GDE1: variants seen among roughly 807,000 people sequenced by gnomAD.
The protein encoded by GDE1 is glycerophosphodiester phosphodiesterase 1.
Under a neutral mutation model 32.2 loss-of-function variants are expected in GDE1, and 24 were observed. The ratio of observed to expected loss-of-function variants is 0.75; its 90% CI spans 0.54 to 1.05. The LOEUF (loss-of-function observed/expected upper bound fraction) is 1.05, where lower values mean the gene tolerates loss of function less well. GDE1 is among the 50% of genes least tolerant of loss of function. The pLI is 0.00. For synonymous variants in GDE1, 159 were observed against 158.6 expected (o/e 1.00, Z -0.02); for missense variants, 380 against 415.0 (o/e 0.92, Z 0.73).
Position 19,521,981 on chromosome 16 carries a change from G to A in GDE1, c.-17C>T, listed in dbSNP as rs1301146179. 6.6e-7 allele frequency: 1 copy of A among 1,523,564 alleles called. No individual in the cohort carries two copies. The highest frequency in any genetic ancestry group is 8.8e-7 in the Non-Finnish European group (1 of 1,130,640). The allele number at this position is 1,523,564 out of a possible 1,614,324, so 94.4% of individuals were successfully genotyped here. ...CAGCCACATGCCGGCGCCCGCACCG[G>A]CACGGACGGGAGTCCCGGACCCGCC... is the stretch of plus-strand genomic sequence containing the variant. On this transcript the variant is annotated 5_prime_UTR_variant, in exon 1 of 6. Coordinates refer to ENST00000353258, the MANE Select transcript of GDE1 (RefSeq NM_016641.4).
chr16:19,505,300 T>C (rs1291560851), intron 4 of GDE1, among the ~76,000 whole-genome samples: 1 of 152,084 alleles, frequency 6.6e-6, no homozygotes, highest in East Asian at 1.9e-4. Context: ...TATGAGAACT[T>C]TTTTTTCCCA....
At chr16:19,521,681 G>A (rs1177149832) in intron 1 of GDE1, 23 bp downstream of exon 1, 3 of 1,607,022 alleles carry the variant, frequency 1.9e-6, no homozygotes, top group East Asian at 4.5e-5. Context: ...GAGGACCGAG[G>A]GGCGCGAACG....
intron 1 of GDE1, among the ~76,000 whole-genome samples, chr16:19,520,259 G>A (rs933940956): frequency 3.3e-5 from 5 of 151,794 alleles, no homozygotes; most frequent in African/African-American, 1.2e-4. Flanking sequence ...AATCTTGGCC[G>A]GGCACGGTGG....
At position 19,502,024 on chromosome 16, in the gene GDE1, A is replaced by C. The variant is rs1969181064; in HGVS notation, c.*1446T>G. 2.0e-5 allele frequency: 3 copies of C among 152,216 alleles called. No homozygotes were observed. Among genetic ancestry groups the C allele is most frequent in the Admixed American group, 2.0e-4 (3 of 15,278 alleles). The allele number at this position is 152,216 out of a possible 1,614,324, so 9.4% of individuals were successfully genotyped here. ...GAGACAGACGGCGTTGCCATTAAAA[A>C]CAATTCAACTTCATTTTAATGTTGC... On this transcript the variant is annotated 3_prime_UTR_variant, in exon 6 of 6. Transcript: ENST00000353258.
intron 4 of GDE1, among the ~76,000 whole-genome samples, chr16:19,507,313 C>T (rs1969260811): frequency 6.6e-6 from 1 of 151,860 alleles, no homozygotes; most frequent in Non-Finnish European, 1.5e-5. Flanking sequence ...AGGGGGGGTA[C>T]ACTACTACTT....
At chr16:19,510,640 A>G (rs1969305962) in intron 3 of GDE1, among the ~76,000 whole-genome samples, 199 bp downstream of exon 3, 1 of 152,226 alleles carries the variant, frequency 6.6e-6, no homozygotes, top group Admixed American at 6.5e-5. Flanking sequence ...AAGTTTCCAT[A>G]AAAGGTTAAA....
intron 2 of GDE1, among the ~76,000 whole-genome samples, chr16:19,513,107 A>G (rs955117345): frequency 3.3e-5 from 5 of 152,062 alleles, no homozygotes; most frequent in African/African-American, 1.2e-4. Flanking sequence ...ACGGTTCCAT[A>G]TGAATTTTAG....
At chr16:19,503,743 C>T (rs1969209294) in intron 5 of GDE1, 126 bp from the exon 6 acceptor site, 1 of 750,332 alleles carries the variant, frequency 1.3e-6, no homozygotes, top group Non-Finnish European at 2.2e-6. Context: ...TAACTGGCCT[C>T]TGCACTGTGA....
At chr16:19,521,501 T>C (rs1442441075) in intron 1 of GDE1, 3 of 610,282 alleles carry the variant, frequency 4.9e-6, no homozygotes, top group Non-Finnish European at 8.6e-6. Flanking sequence ...AGAAACTATA[T>C]ACATATCTGC....
At chr16:19,521,407 TC>T (rs1886285587) in intron 1 of GDE1, 2 of 405,024 alleles carry the variant, frequency 4.9e-6, no homozygotes, top group Non-Finnish European at 8.9e-6. Flanking sequence ...AAGGCTTGCC[TC>T]CCCCATTCCG....
At chr16:19,510,104 G>C (rs1466114674) in intron 3 of GDE1, among the ~76,000 whole-genome samples, 1 of 152,092 alleles carries the variant, frequency 6.6e-6, no homozygotes, top group Non-Finnish European at 1.5e-5. Context: ...GGGGAAAAAA[G>C]TACTTGCACT....
At chr16:19,505,712 C>T (rs1969238283) in intron 4 of GDE1, among the ~76,000 whole-genome samples, 2 of 152,152 alleles carry the variant, frequency 1.3e-5, no homozygotes, top group Non-Finnish European at 2.9e-5. Flanking sequence ...GTTTGGGAAA[C>T]ACTGTTCCAA....
intron 2 of GDE1, among the ~76,000 whole-genome samples, chr16:19,512,924 G>GTT (rs1555488170): frequency 1.3e-5 from 1 of 75,076 alleles, no homozygotes; most frequent in Non-Finnish European, 2.7e-5. Flanking sequence ...CTATGTATCT[G>GTT]TTTTGTGTGT....
At chr16:19,520,016 A>AT (rs1327907112) in intron 1 of GDE1, among the ~76,000 whole-genome samples, 2 of 103,894 alleles carry the variant, frequency 1.9e-5, no homozygotes, top group Admixed American at 1.9e-4. Context: ...TGTCTCAAAA[A>AT]TAAATAAATA....
At position 19,510,860 on chromosome 16, in the gene GDE1, A is replaced by T; in HGVS notation, c.522T>A (p.Asp174Glu). The stretch of plus-strand genomic sequence containing the variant: ...GTACCTTGTGTGCATGGCCTTTGAC[A>T]TCAAAGAAGATTGTGAGGTTATGGT... Reference protein sequence around the residue: ...CLNHNLTIFFDVKGHAHKATE... With the variant: ...CLNHNLTIFFEVKGHAHKATE... The change falls in exon 3 of 6, where the codon GAT (aspartate) becomes GAA (glutamate). Residue 174 changes from aspartate to glutamate, a missense_variant. Physicochemically the swap from Asp to Glu is conservative, Grantham distance 45. Coordinates refer to ENST00000353258, the MANE Select transcript of GDE1 (RefSeq NM_016641.4). 5 of 1,587,370 alleles carry T rather than the reference A, an allele frequency of 3.1e-6. No homozygotes were observed.
chr16:19,511,625 A>G (rs1251068783), intron 2 of GDE1, among the ~76,000 whole-genome samples: 2 of 152,070 alleles, frequency 1.3e-5, no homozygotes, highest in African/African-American at 4.8e-5. Context: ...TAATCACTTT[A>G]CTATGTTATT....
rs1348317948 is a variant in GDE1, at chr16:19,516,701, G to GTA, written c.437+311_437+312dup. 2.0e-5 allele frequency among the ~76,000 whole-genome samples: 3 copies of GTA among 152,296 alleles called. No individual in the cohort carries two copies. The South Asian group carries it at 6.2e-4, about 32-fold the overall frequency. On this transcript the variant is annotated intron_variant, in intron 2 of 5. Transcript: ENST00000353258. The stretch of plus-strand genomic sequence containing the variant: ...ATGTTACTTGAAGCTTTTAATGAAT[G>GTA]TATAATTTGCTTCTTGGTACACCTG...
chr16:19,515,414 G>A (rs1190124077), intron 2 of GDE1, among the ~76,000 whole-genome samples: 1 of 152,066 alleles, frequency 6.6e-6, no homozygotes, highest in Non-Finnish European at 1.5e-5. Context: ...TCTTCTTAAG[G>A]GATTTTTTGA....
chr16:19,506,664 G>T (rs918250903), intron 4 of GDE1, among the ~76,000 whole-genome samples: 1 of 152,078 alleles, frequency 6.6e-6, no homozygotes, highest in African/African-American at 2.4e-5. Context: ...AAAGATTTAC[G>T]ATTGTAACAC....
Sources: allele counts gnomAD v4.1 joint callset (sites outside exome capture counted in the v4.1 genomes callset), GRCh38; gene constraint gnomAD v4.1.1; transcripts MANE v1.5; gene names NCBI Gene and HGNC (gene_info 2026-07-23, HGNC 2026-07-21).